Variants in NFAT5 observed in about 807,000 individuals in gnomAD.
The protein encoded by NFAT5 is nuclear factor of activated T cells 5.
Under a neutral mutation model 166.5 loss-of-function variants are expected in NFAT5, and 31 were observed. The observed-to-expected ratio is 0.19, with a 90% CI of 0.14 to 0.25. NFAT5 has a LOEUF of 0.25. Ranked by LOEUF, NFAT5 falls within the 10% of genes least tolerant of loss-of-function variation. The pLI is 1.00. For synonymous variants in NFAT5, 612 were observed against 639.7 expected, an observed-to-expected ratio of 0.96 and a Z score of 0.65; for missense variants, 1,449 against 1,821.8, an observed-to-expected ratio of 0.80 and a Z score of 3.72.
rs537477260 is a variant in NFAT5, at chr16:69,639,560, A to T, written c.254-7468A>T. Among the ~76,000 whole-genome samples, 826 of 152,164 alleles carry T rather than the reference A, an allele frequency of 5.4e-3. 7 individuals carry two copies. Among genetic ancestry groups the T allele is most frequent in the African/African-American group, 0.019 (775 of 41,534 alleles). Reference sequence around the variant, plus strand: ...TTCAGCTTCAGCAGTAGTGCTCATTATTTTTTTTAAAAAAATAGAGCCTCT... The same window carrying T: ...TTCAGCTTCAGCAGTAGTGCTCATTTTTTTTTTTAAAAAAATAGAGCCTCT... On this transcript the variant is annotated intron_variant, in intron 3 of 14. Transcript: ENST00000349945.
chr16:69,668,868 C>T (rs1353951475), intron 7 of NFAT5, among the ~76,000 whole-genome samples: 1 of 151,852 alleles, frequency 6.6e-6, no homozygotes, highest in East Asian at 1.9e-4. Flanking sequence ...TTAGTAGAAA[C>T]AGGGTTTCAC....
chr16:69,619,792 T>A (rs1567546267), intron 2 of NFAT5, among the ~76,000 whole-genome samples: 2 of 152,206 alleles, frequency 1.3e-5, no homozygotes, highest in Non-Finnish European at 2.9e-5. Context: ...GGTGATCAGC[T>A]CTTTGGACAT....
In NFAT5 at chr16:69,690,978, A is replaced by G. The variant is rs754690282; in HGVS notation, c.1813A>G (p.Ile605Val). The change falls in exon 12 of 15, where the codon ATT (isoleucine) becomes GTT (valine). Residue 605 changes from isoleucine to valine, a missense_variant. Coordinates refer to ENST00000349945, the MANE Select transcript of NFAT5 (RefSeq NM_138713.4). The stretch of plus-strand genomic sequence containing the variant: ...TGGATGTAATTTAGATAAGGTAAAT[A>G]TTATCCCTAATGCCCTGATGACTCC... ...TTGCNLDKVN[I>V]IPNALMTPLI... 1.2e-6 allele frequency: 2 copies of G among 1,603,934 alleles called. No homozygotes were observed. The highest frequency in any genetic ancestry group is 1.7e-6 in the Non-Finnish European group (2 of 1,175,650).
intron 2 of NFAT5, among the ~76,000 whole-genome samples, chr16:69,572,377 A>G (rs189935313): frequency 7.2e-5 from 11 of 152,300 alleles, no homozygotes; most frequent in Non-Finnish European, 1.2e-4. Flanking sequence ...ACAAAAGTAT[A>G]CATCACTGAT....
intron 11 of NFAT5, among the ~76,000 whole-genome samples, chr16:69,689,309 G>A (rs992556616): frequency 6.6e-6 from 1 of 152,010 alleles, no homozygotes; most frequent in African/African-American, 2.4e-5. Flanking sequence ...GGTTGTTAGG[G>A]GAATTGTATT....
chr16:69,687,356 G>A (rs961894892), intron 11 of NFAT5, among the ~76,000 whole-genome samples: 2 of 148,946 alleles, frequency 1.3e-5, no homozygotes, highest in African/African-American at 5.0e-5. Context: ...CAGGAGAATC[G>A]CTTGAATCCA....
At chr16:69,637,989 G>A (rs1314333056) in intron 3 of NFAT5, among the ~76,000 whole-genome samples, 1 of 152,078 alleles carries the variant, frequency 6.6e-6, no homozygotes, top group African/African-American at 2.4e-5. Flanking sequence ...GGGAGGCTGA[G>A]GCTGGCGGAT....
intron 3 of NFAT5, among the ~76,000 whole-genome samples, chr16:69,639,278 T>A (rs527584822): frequency 4.3e-4 from 66 of 152,304 alleles, no homozygotes; most frequent in African/African-American, 1.5e-3. Flanking sequence ...TAGAAAAAAA[T>A]TTTGTTTGGA....
In NFAT5 at chr16:69,614,315, C is replaced by T. The variant is rs75178724; in HGVS notation, c.128-12088C>T. 8.7e-3 allele frequency among the ~76,000 whole-genome samples: 1,320 copies of T among 152,178 alleles called. 20 individuals are homozygous for T. Among genetic ancestry groups the T allele is most frequent in the Admixed American group, 0.026 (403 of 15,274 alleles). ...GATTACAGGCACGAGCCACCACGCT[C>T]GGCCCTAGATTGGTTTTTGATTGCC... On this transcript the variant is annotated intron_variant, in intron 2 of 14. Transcript: ENST00000349945.
chr16:69,577,134 A>G lies in NFAT5; in HGVS notation c.127+8586A>G, dbSNP rs558457947. On this transcript the variant is annotated intron_variant, in intron 2 of 14. Transcript: ENST00000349945. ...TTAATCTGCCCCTTTCACCCCGTGTATCCGTTTTCTCACGGTAGTCTATAC... is the reference window on the plus strand; with the variant it reads ...TTAATCTGCCCCTTTCACCCCGTGTGTCCGTTTTCTCACGGTAGTCTATAC... Among the ~76,000 whole-genome samples, 5 of 152,276 alleles carry G rather than the reference A, an allele frequency of 3.3e-5. No individual in the cohort carries two copies. The South Asian group carries it at 1.0e-3, about 32-fold the overall frequency.
At chr16:69,641,193 G>A (rs555797920) in intron 3 of NFAT5, among the ~76,000 whole-genome samples, 1 of 146,884 alleles carries the variant, frequency 6.8e-6, no homozygotes, top group South Asian at 2.1e-4. Context: ...CAGGAGAATC[G>A]CTTTTACCTG....
chr16:69,611,251 A>G (rs1228409093), intron 2 of NFAT5, among the ~76,000 whole-genome samples: 2 of 152,204 alleles, frequency 1.3e-5, no homozygotes, highest in Non-Finnish European at 2.9e-5. Flanking sequence ...GTTAGCTGTT[A>G]ATAGCCATGG....
chr16:69,675,214 CA>C (rs1453436488), intron 9 of NFAT5, among the ~76,000 whole-genome samples: 1 of 152,216 alleles, frequency 6.6e-6, no homozygotes, highest in Non-Finnish European at 1.5e-5. Context: ...ATAAAATATG[CA>C]TCTGATTTGT....
chr16:69,601,135 T>A (rs2033109597), intron 2 of NFAT5, among the ~76,000 whole-genome samples: 1 of 152,174 alleles, frequency 6.6e-6, no homozygotes, highest in African/African-American at 2.4e-5. Context: ...AAACATTTTT[T>A]TTTAAATATG....
chr16:69,694,455 A>G (rs971373081), intron 13 of NFAT5, among the ~76,000 whole-genome samples: 1 of 152,084 alleles, frequency 6.6e-6, no homozygotes, highest in Non-Finnish European at 1.5e-5. Flanking sequence ...GGGTTTCACC[A>G]TGTTGGCCAG....
chr16:69,616,263 T>C (rs1262098629), intron 2 of NFAT5, among the ~76,000 whole-genome samples: 1 of 151,570 alleles, frequency 6.6e-6, no homozygotes, highest in Non-Finnish European at 1.5e-5. Flanking sequence ...CGTGCTGGGC[T>C]CCCCCTCTCT....
At chr16:69,638,717 C>G (rs953834797) in intron 3 of NFAT5, among the ~76,000 whole-genome samples, 2 of 120,976 alleles carry the variant, frequency 1.7e-5, no homozygotes, top group African/African-American at 6.5e-5. Context: ...GTTTGGGCAA[C>G]AGAGAGAGAC....
At chr16:69,681,917 G>GAAAA (rs763455010) in intron 10 of NFAT5, among the ~76,000 whole-genome samples, 1 of 102,274 alleles carries the variant, frequency 9.8e-6, no homozygotes, top group Non-Finnish European at 2.1e-5. Flanking sequence ...GACTCCATCT[G>GAAAA]AAAAAAAAAA....
rs113469767 is a variant in NFAT5 at position 69,698,627 on chromosome 16, G to A, written c.*2276G>A. Reference sequence around the variant, plus strand: ...TAGTGGGCTAAAGGCAGCTTACTGTGTGTTTGCTGGAGCTTTCACTCAGCC... The same window carrying A: ...TAGTGGGCTAAAGGCAGCTTACTGTATGTTTGCTGGAGCTTTCACTCAGCC... On this transcript the variant is annotated 3_prime_UTR_variant, in exon 15 of 15. Transcript: ENST00000349945. 9 of 152,666 alleles carry A rather than the reference G, an allele frequency of 5.9e-5. No individual in the cohort carries two copies. The highest frequency in any genetic ancestry group is 2.2e-4 in the African/African-American group (9 of 41,560). 9.5% of individuals were successfully genotyped at this position (152,666 alleles called of 1,614,324 possible).
Sources: gnomAD v4.1 joint callset for allele counts (sites outside exome capture counted in the v4.1 genomes callset) on GRCh38, gnomAD v4.1.1 for gene constraint, MANE v1.5 for transcripts, NCBI Gene and HGNC (gene_info 2026-07-23, HGNC 2026-07-21) for gene names.